TIAL1: variants seen among roughly 807,000 people sequenced by gnomAD.
The protein encoded by TIAL1 is nucleolysin TIAR.
TIAL1 carries 7 observed loss-of-function variants against 59.7 expected under a neutral mutation model. The ratio of observed to expected loss-of-function variants is 0.12; its 90% CI spans 0.07 to 0.22. TIAL1 has a LOEUF of 0.22. Among genes scored for constraint, TIAL1 ranks in the 10% least tolerant of loss-of-function variants. The pLI, the probability that TIAL1 is intolerant of heterozygous loss-of-function variation, is 1.00. For synonymous variants in TIAL1, 149 were observed against 146.3 expected (o/e 1.02, Z -0.13); for missense variants, 225 against 462.5 (o/e 0.49, Z 4.71).
rs1400763541 is a variant in TIAL1 at position 119,573,557 on chromosome 10, T to C, written c.*2108A>G. The C allele has an allele frequency of 6.6e-6, 1 of 152,542 alleles. No individual in the cohort carries two copies. Among genetic ancestry groups the C allele is most frequent in the Non-Finnish European group, 1.5e-5 (1 of 68,022 alleles). The allele number at this position is 152,542 out of a possible 1,614,324, so 9.4% of individuals were successfully genotyped here. On this transcript the variant is annotated 3_prime_UTR_variant, in exon 12 of 12. Transcript: ENST00000436547. ...TACAGCTATATTTAGCTGTTAGTTATCTCAATAAGCTACTTAATTTACTGG... is the reference window on the plus strand; with the variant it reads ...TACAGCTATATTTAGCTGTTAGTTACCTCAATAAGCTACTTAATTTACTGG...
At chr10:119,587,607 T>C (rs879610977) in intron 2 of TIAL1, among the ~76,000 whole-genome samples, 1 of 151,586 alleles carries the variant, frequency 6.6e-6, no homozygotes, top group Non-Finnish European at 1.5e-5. Context: ...TACTGCAGTA[T>C]CTAGTACATA....
intron 2 of TIAL1, among the ~76,000 whole-genome samples, chr10:119,584,112 C>G (rs1490320697): frequency 6.6e-6 from 1 of 152,154 alleles, no homozygotes; most frequent in Non-Finnish European, 1.5e-5. Context: ...AACTAGTCTA[C>G]TCGTGAATAC....
Position 119,575,653 on chromosome 10 carries a change from T to TA in TIAL1, c.*11dup, listed in dbSNP as rs756751746. The TA allele has an allele frequency of 3.3e-5, 53 of 1,613,618 alleles. No homozygotes were observed. The highest frequency in any genetic ancestry group is 1.7e-4 in the Middle Eastern group (1 of 6,060). On this transcript the variant is annotated 3_prime_UTR_variant, in exon 12 of 12. Transcript: ENST00000436547. ...CCTATCATGAATTACAATTTTTTTT[T>TA]AGAGTCCCGGCTCACTGTGTTTGGT...
intron 1 of TIAL1, among the ~76,000 whole-genome samples, chr10:119,588,933 C>T (rs1213613945): frequency 6.6e-6 from 1 of 152,200 alleles, no homozygotes; most frequent in South Asian, 2.1e-4. Flanking sequence ...TTATAACACA[C>T]ACACACATAC....
chr10:119,583,207 T>G (rs1006127051), intron 2 of TIAL1, among the ~76,000 whole-genome samples: 14 of 152,278 alleles, frequency 9.2e-5, no homozygotes, highest in Non-Finnish European at 1.9e-4. Flanking sequence ...TTCTATATAC[T>G]TTGAATTTGG....
At chr10:119,594,480 T>G (rs1846050888) in intron 1 of TIAL1, among the ~76,000 whole-genome samples, 1 of 152,216 alleles carries the variant, frequency 6.6e-6, no homozygotes, top group Non-Finnish European at 1.5e-5. Flanking sequence ...GTGATGATAC[T>G]TCAGATTTTT....
chr10:119,586,906 GT>G, intron 2 of TIAL1, among the ~76,000 whole-genome samples: 1 of 152,154 alleles, frequency 6.6e-6, no homozygotes. Flanking sequence ...ACAGAACTCT[GT>G]TTTATTCTCT....
rs185635125 is a variant in TIAL1, at chr10:119,576,388, T to C, written c.1001+223A>G. 6.6e-5 allele frequency among the ~76,000 whole-genome samples: 10 copies of C among 152,276 alleles called. No individual in the cohort carries two copies. The East Asian group carries it at 1.5e-3, about 23-fold the overall frequency. ...TTCTACCAACTGCTTACAGGGATCA[T>C]AGGACACACTAAATGTTACCCCAAT... is the stretch of plus-strand genomic sequence containing the variant. On this transcript the variant is annotated intron_variant, in intron 11 of 11. Transcript: ENST00000436547.
At chr10:119,575,828 G>GA (rs761203801) in intron 11 of TIAL1, 37 bp from the exon 12 acceptor site, 3,649 of 1,361,112 alleles carry the variant, frequency 2.7e-3, no homozygotes, top group South Asian at 6.1e-3. Flanking sequence ...GCAAACACAA[G>GA]AAAAAAAAAA....
chr10:119,590,797 A>AAAGG (rs1845835299), intron 1 of TIAL1, among the ~76,000 whole-genome samples: 1 of 150,708 alleles, frequency 6.6e-6, no homozygotes, highest in Non-Finnish European at 1.5e-5. Flanking sequence ...AGAAAGAAAG[A>AAAGG]AAGAAAGAAA....
At chr10:119,585,729 G>T (rs375852320) in intron 2 of TIAL1, among the ~76,000 whole-genome samples, 11 of 151,978 alleles carry the variant, frequency 7.2e-5, no homozygotes, top group Non-Finnish European at 1.6e-4. Context: ...CTCACAACCC[G>T]TTCTCTCCTA....
intron 5 of TIAL1, 113 bp from the exon 6 acceptor site, chr10:119,580,123 G>T: frequency 1.2e-6 from 1 of 838,258 alleles, no homozygotes. Context: ...ATTCCAGTTA[G>T]CCCTAATTAA....
At position 119,596,599 on chromosome 10, in the gene TIAL1, GCT is replaced by G. The variant is rs1846213797; in HGVS notation, c.-136_-135del. 1 of 702,484 alleles carries G rather than the reference GCT, an allele frequency of 1.4e-6. No homozygotes were observed. The highest frequency in any genetic ancestry group is 1.8e-5 in the African/African-American group (1 of 56,160). The allele number at this position is 702,484 out of a possible 1,614,324, so 43.5% of individuals were successfully genotyped here. On this transcript the variant is annotated 5_prime_UTR_variant, in exon 1 of 12. Transcript: ENST00000436547. ...AAAAGGCACCGAACCCTGCTCTCGG[GCT>G]CTCTCCCCCCAGCCCGCTCCGGACA...
chr10:119,580,137 C>A (rs1845233916), intron 5 of TIAL1, 127 bp from the exon 6 acceptor site: 2 of 716,064 alleles, frequency 2.8e-6, no homozygotes, highest in Non-Finnish European at 4.4e-6. Context: ...TAATTAACTA[C>A]AACCATTCCT....
intron 2 of TIAL1, among the ~76,000 whole-genome samples, chr10:119,585,565 T>A (rs1198279356): frequency 6.6e-6 from 1 of 152,204 alleles, no homozygotes; most frequent in Non-Finnish European, 1.5e-5. Flanking sequence ...CAAGCTCAAA[T>A]CTAGGAGTTC....
chr10:119,594,245 C>T (rs1846038034), intron 1 of TIAL1, among the ~76,000 whole-genome samples: 1 of 151,986 alleles, frequency 6.6e-6, no homozygotes, highest in Non-Finnish European at 1.5e-5. Context: ...AAAGAAAGAA[C>T]AAGAGATTAG....
At chr10:119,592,282 C>G (rs551623042) in intron 1 of TIAL1, 1 of 152,268 alleles carries the variant, frequency 6.6e-6, no homozygotes, top group African/African-American at 2.4e-5. Flanking sequence ...CTTCTAAGAA[C>G]AGGAACTGTA....
At position 119,577,256 on chromosome 10, in the gene TIAL1, C is replaced by T. The variant is rs1845048257; in HGVS notation, c.738-53G>A. ...TCTTTTATTTTTTAAGAACCTAACA[C>T]AATAAATAACATGGAAACTCATCAG... is the stretch of plus-strand genomic sequence containing the variant. On this transcript the variant is annotated intron_variant, in intron 9 of 11. Coordinates refer to ENST00000436547, the MANE Select transcript of TIAL1 (RefSeq NM_003252.4). 35 of 1,549,436 alleles carry T rather than the reference C, an allele frequency of 2.3e-5. No homozygotes were observed. In the Middle Eastern group the frequency reaches 8.6e-4, roughly 38 times the overall value.
chr10:119,582,147 A>G lies in TIAL1; in HGVS notation c.283+22T>C. 2 of 1,605,248 alleles carry G rather than the reference A, an allele frequency of 1.2e-6. No homozygotes were observed. The highest frequency in any genetic ancestry group is 1.7e-6 in the Non-Finnish European group (2 of 1,177,258). Reference sequence around the variant, plus strand: ...GATAATTTCAGAACTCTTCCACAGTAAAATGCAGCAGGAGTACTTACTGGA... The same window carrying G: ...GATAATTTCAGAACTCTTCCACAGTGAAATGCAGCAGGAGTACTTACTGGA... On this transcript the variant is annotated intron_variant, in intron 4 of 11. Coordinates refer to ENST00000436547, the MANE Select transcript of TIAL1 (RefSeq NM_003252.4). The surrounding 1 kb of genome is among the most constrained non-coding windows in gnomAD (Gnocchi z 5.1).
Sources: gnomAD v4.1 joint callset for allele counts (sites outside exome capture counted in the v4.1 genomes callset) on GRCh38, gnomAD v4.1.1 for gene constraint, Gnocchi (gnomAD v3.1) non-coding constraint, MANE v1.5 for transcripts, NCBI Gene and HGNC (gene_info 2026-07-23, HGNC 2026-07-21) for gene names.